Variants in TM7SF3 observed in about 807,000 individuals in gnomAD.
TM7SF3 encodes the protein transmembrane 7 superfamily member 3.
Under a neutral mutation model 65.5 loss-of-function variants are expected in TM7SF3, and 60 were observed. The ratio of observed to expected loss-of-function variants is 0.92; its 90% CI spans 0.74 to 1.14. TM7SF3 has a LOEUF of 1.14. Among genes scored for constraint, TM7SF3 ranks in the 50% most tolerant of loss-of-function variants. The pLI is 0.00. For synonymous variants in TM7SF3, 264 were observed against 259.6 expected (o/e 1.02, Z -0.16); for missense variants, 623 against 684.8 (o/e 0.91, Z 1.01).
intron 2 of TM7SF3, among the ~76,000 whole-genome samples, chr12:27,002,813 G>C (rs961667625): frequency 6.6e-6 from 1 of 152,116 alleles, no homozygotes; most frequent in Admixed American, 6.5e-5. Context: ...AGAGTCCAAA[G>C]AATAAAGTTG....
At chr12:26,977,684 G>A (rs1022945317) in intron 9 of TM7SF3, among the ~76,000 whole-genome samples, 3 of 152,152 alleles carry the variant, frequency 2.0e-5, no homozygotes, top group African/African-American at 7.2e-5. Flanking sequence ...AACTCGGGAG[G>A]TGGAGGTTGC....
intron 1 of TM7SF3, among the ~76,000 whole-genome samples, chr12:27,003,930 G>C (rs1322348474): frequency 6.6e-6 from 1 of 152,142 alleles, no homozygotes; most frequent in African/African-American, 2.4e-5. Context: ...AGACTGCAAA[G>C]GAAGGTGAAA....
intron 10 of TM7SF3, 86 bp downstream of exon 10, chr12:26,976,173 TA>T: frequency 1.9e-6 from 2 of 1,057,926 alleles, no homozygotes; most frequent in African/African-American, 1.6e-5. Context: ...CCCCAGTGAA[TA>T]AAACATGCAA....
At chr12:26,995,113 TA>T in intron 5 of TM7SF3, 123 bp downstream of exon 5, 1 of 971,508 alleles carries the variant, frequency 1.0e-6, no homozygotes. Context: ...CAAAAGAGAA[TA>T]AAGTGAGTGT....
chr12:26,984,478 G>A (rs546116969), intron 6 of TM7SF3, among the ~76,000 whole-genome samples: 163 of 148,142 alleles, frequency 1.1e-3, no homozygotes, highest in South Asian at 6.7e-3. Context: ...AAGATTAAAC[G>A]AAAGATAAAA....
Position 26,974,162 on chromosome 12 carries a change from C to T in TM7SF3, c.1516G>A (p.Glu506Lys). The T allele has an allele frequency of 6.2e-7, 1 of 1,614,202 alleles. No individual in the cohort carries two copies. Among genetic ancestry groups the T allele is most frequent in the Non-Finnish European group, 8.5e-7 (1 of 1,180,014 alleles). ...VSGITLQIRR[E>K]RGRPFFPPHP... is the part of the protein sequence containing the mutation. ...GGAGGGAAGAACGGTCGTCCTCTCT[C>T]TCTTCGAATCTGTAACGTAATTCCA... The change falls in exon 12 of 12, where the codon GAG becomes AAG. Residue 506 changes from glutamate to lysine, a missense_variant. Transcript: ENST00000343028.
At chr12:26,975,232 G>A (rs1207761600) in intron 11 of TM7SF3, among the ~76,000 whole-genome samples, 1 of 152,182 alleles carries the variant, frequency 6.6e-6, no homozygotes, top group African/African-American at 2.4e-5. Flanking sequence ...CTCTGAGAAT[G>A]ACCAGGTAAA....
Position 26,973,872 on chromosome 12 carries a change from G to A in TM7SF3, c.*93C>T. The A allele has an allele frequency of 6.9e-7, 1 of 1,458,132 alleles. No homozygotes were observed. Among genetic ancestry groups the A allele is most frequent in the Non-Finnish European group, 9.2e-7 (1 of 1,081,648 alleles). 90.3% of individuals were successfully genotyped at this position (1,458,132 alleles called of 1,614,324 possible). On this transcript the variant is annotated 3_prime_UTR_variant, in exon 12 of 12. Transcript: ENST00000343028. ...TATTATGCAAAGAACAGATATATAT[G>A]CCTGATCTCTTATTAGACTTGCACC... is the stretch of plus-strand genomic sequence containing the variant.
Position 26,996,858 on chromosome 12 carries a change from AGG to A in TM7SF3, c.400_401del (p.Pro134CysfsTer6), listed in dbSNP as rs1250531310. Reference sequence around the variant, plus strand: ...ACTCCAAATTACAGCCTCCAGGGACAGGATCTGGATAAGAAATAGGGAAGTTA... The same window carrying A: ...ACTCCAAATTACAGCCTCCAGGGACAATCTGGATAAGAAATAGGGAAGTTA... ...AILLSYSERD[P>X]VPGGCNLEFD... On this transcript the variant is annotated frameshift_variant and splice_region_variant, in exon 4 of 12. Coordinates refer to ENST00000343028, the MANE Select transcript of TM7SF3 (RefSeq NM_016551.3). LOFTEE classifies it high-confidence loss of function. The A allele has an allele frequency of 1.2e-6, 2 of 1,609,180 alleles. No homozygotes were observed. Among genetic ancestry groups the A allele is most frequent in the Admixed American group, 1.7e-5 (1 of 58,574 alleles).
intron 7 of TM7SF3, among the ~76,000 whole-genome samples, chr12:26,981,632 A>G (rs907687763): frequency 2.0e-5 from 3 of 152,190 alleles, no homozygotes; most frequent in African/African-American, 7.2e-5. Flanking sequence ...TCTCTTCCCA[A>G]TTAATAAAAA....
At chr12:26,987,037 G>A (rs949566880) in intron 6 of TM7SF3, among the ~76,000 whole-genome samples, 2 of 152,158 alleles carry the variant, frequency 1.3e-5, no homozygotes, top group African/African-American at 2.4e-5. Flanking sequence ...CCAGGGCTCA[G>A]TCCTCAGACC....
intron 6 of TM7SF3, among the ~76,000 whole-genome samples, 187 bp from the exon 7 acceptor site, chr12:26,983,046 TATC>T (rs1939885577): frequency 6.6e-6 from 1 of 152,126 alleles, no homozygotes; most frequent in African/African-American, 2.4e-5. Flanking sequence ...AGACAATCAA[TATC>T]AACAACTGCT....
At chr12:26,976,239 A>C in intron 10 of TM7SF3, 21 bp downstream of exon 10, 1 of 1,526,992 alleles carries the variant, frequency 6.5e-7, no homozygotes, top group East Asian at 2.3e-5. Flanking sequence ...CAATAAATCT[A>C]ACTTTTGATG....
intron 6 of TM7SF3, chr12:26,983,639 G>A: frequency 2.2e-6 from 1 of 444,464 alleles, no homozygotes. Flanking sequence ...GTTAAGGCTG[G>A]ATAATTGGTG....
In TM7SF3 at chr12:26,974,031, T is replaced by A; in HGVS notation, c.1647A>T (p.Leu549Phe). 1.3e-6 allele frequency: 2 copies of A among 1,598,442 alleles called. No individual in the cohort carries two copies. Among genetic ancestry groups the A allele is most frequent in the East Asian group, 4.5e-5 (2 of 44,768 alleles). The change falls in exon 12 of 12, where the codon TTA becomes TTT. Residue 549 changes from leucine (L) to phenylalanine (F), a missense_variant. Transcript: ENST00000343028. ...TCTGGAAGAGCCCTTTAATCTGGGT[T>A]AATCGGCCATAGAGCCTCTCTCTCA... ...PPLRERLYGRLTQIKGLFQKE... is the reference protein window; with the variant it reads ...PPLRERLYGRFTQIKGLFQKE...
In TM7SF3 at chr12:26,999,656, C is replaced by T. The variant is rs777055218; in HGVS notation, c.267G>A (p.Ser89=). 9.3e-6 allele frequency: 15 copies of T among 1,613,794 alleles called. No homozygotes were observed. The highest frequency in any genetic ancestry group is 2.7e-5 in the African/African-American group (2 of 74,828). Residue 89 remains serine (S), a synonymous_variant, in exon 3 of 12, where the codon TCG becomes TCA. Transcript: ENST00000343028. Reference sequence around the variant, plus strand: ...CCAGTCCACTGGCAGTGCCTGTTTCCGAGGAATTGGAAAGGAGAGTCTGCA... The same window carrying T: ...CCAGTCCACTGGCAGTGCCTGTTTCTGAGGAATTGGAAAGGAGAGTCTGCA... ...SFSPTLLSNS[S]ETGTASGLVF... is the part of the protein sequence containing the mutation.
chr12:27,004,870 A>G (rs1323764224), intron 1 of TM7SF3, among the ~76,000 whole-genome samples: 1 of 152,210 alleles, frequency 6.6e-6, no homozygotes, highest in East Asian at 1.9e-4. Flanking sequence ...TTTCCTATTT[A>G]TGGTACCAGA....
chr12:26,992,735 T>G (rs571835472), intron 5 of TM7SF3, among the ~76,000 whole-genome samples: 4 of 152,162 alleles, frequency 2.6e-5, no homozygotes, highest in Non-Finnish European at 5.9e-5. Context: ...TACTGTATAT[T>G]GCTAGCTCAG....
At chr12:26,989,124 T>C (rs927798690) in intron 6 of TM7SF3, among the ~76,000 whole-genome samples, 7 of 152,100 alleles carry the variant, frequency 4.6e-5, no homozygotes, top group African/African-American at 1.7e-4. Flanking sequence ...CTAATAGTAG[T>C]TAATTTTGGG....
Sources: gnomAD v4.1 joint callset for allele counts (sites outside exome capture counted in the v4.1 genomes callset) on GRCh38, gnomAD v4.1.1 for gene constraint, MANE v1.5 for transcripts, NCBI Gene and HGNC (gene_info 2026-07-23, HGNC 2026-07-21) for gene names.